The following PTPRD variants were observed in gnomAD, a reference collection of about 807,000 sequenced individuals.
The protein encoded by PTPRD is protein tyrosine phosphatase receptor type D, also known as receptor-type tyrosine-protein phosphatase delta.
PTPRD carries 34 observed loss-of-function variants against 214.5 expected under a neutral mutation model. The ratio of observed to expected loss-of-function variants is 0.16; its 90% CI spans 0.12 to 0.21. The LOEUF is 0.21. PTPRD is among the 10% of genes least tolerant of loss of function. The pLI, the probability that PTPRD is intolerant of heterozygous loss-of-function variation, is 1.00. For synonymous variants in PTPRD, 1,128 were observed against 845.7 expected, an observed-to-expected ratio of 1.33 and a Z score of -5.79; for missense variants, 2,545 against 2,398.7, an observed-to-expected ratio of 1.06 and a Z score of -1.27.
At chr9:8,565,355 A>G (rs765555877) in intron 14 of PTPRD, among the ~76,000 whole-genome samples, 3 of 152,316 alleles carry the variant, frequency 2.0e-5, no homozygotes, top group African/African-American at 4.8e-5. Context: ...TGTGAGAACC[A>G]TATTTGGTTG....
chr9:9,415,846 T>G lies in PTPRD; in HGVS notation c.-236-18364A>C, dbSNP rs573604272. 1.8e-3 allele frequency among the ~76,000 whole-genome samples: 275 copies of G among 152,294 alleles called. 4 individuals are homozygous for G. Among genetic ancestry groups the G allele is most frequent in the African/African-American group, 6.5e-3 (269 of 41,552 alleles). On this transcript the variant is annotated intron_variant, in intron 8 of 45. Coordinates refer to ENST00000381196, the MANE Select transcript of PTPRD (RefSeq NM_002839.4). ...CCTTTAAAAGCAGGAAAGATTGATT[T>G]CATTGTCCCGGTTAGTCGGGTAGGA... is the stretch of plus-strand genomic sequence containing the variant.
intron 2 of PTPRD, among the ~76,000 whole-genome samples, chr9:10,583,848 G>C (rs901543757): frequency 6.6e-6 from 1 of 152,122 alleles, no homozygotes; most frequent in Admixed American, 6.6e-5. Context: ...TTATTTCGAA[G>C]GGCAGCTGTC....
chr9:8,334,131 CAG>C (rs1388985903), intron 43 of PTPRD, among the ~76,000 whole-genome samples: 1 of 151,864 alleles, frequency 6.6e-6, no homozygotes. Context: ...ATCAATGACA[CAG>C]AATATTAGCA....
At position 9,507,512 on chromosome 9, in the gene PTPRD, A is replaced by G. The variant is rs1295976654; in HGVS notation, c.-237+67220T>C. 2.6e-5 allele frequency among the ~76,000 whole-genome samples: 4 copies of G among 151,556 alleles called. No homozygotes were observed. In the East Asian group the frequency reaches 5.8e-4, roughly 22 times the overall value. On this transcript the variant is annotated intron_variant, in intron 8 of 45. Coordinates refer to ENST00000381196, the MANE Select transcript of PTPRD (RefSeq NM_002839.4). ...AGAAGACAAGATAAAATGAATTATA[A>G]AAGAATTAGATTTTCTACCCATGGA...
intron 5 of PTPRD, among the ~76,000 whole-genome samples, chr9:9,882,150 A>G (rs2068936921): frequency 6.6e-6 from 1 of 152,142 alleles, no homozygotes; most frequent in Non-Finnish European, 1.5e-5. Flanking sequence ...GGTATAACAC[A>G]TATATCAAAT....
At chr9:10,457,117 A>G (rs1389330375) in intron 2 of PTPRD, among the ~76,000 whole-genome samples, 1 of 151,946 alleles carries the variant, frequency 6.6e-6, no homozygotes, top group Non-Finnish European at 1.5e-5. Context: ...GCATATAATC[A>G]GAAACTTCCT....
intron 11 of PTPRD, among the ~76,000 whole-genome samples, chr9:8,875,676 A>G (rs1189536501): frequency 1.1e-4 from 16 of 152,206 alleles, no homozygotes; most frequent in Non-Finnish European, 2.9e-5. Context: ...ATTATGCTCA[A>G]TAATAAGCAT....
chr9:10,172,792 A>C (rs777502271), intron 3 of PTPRD, among the ~76,000 whole-genome samples: 36 of 152,338 alleles, frequency 2.4e-4, no homozygotes, highest in Middle Eastern at 3.4e-3. Context: ...GCCACTTAGC[A>C]TTCAGTGTTG....
intron 7 of PTPRD, among the ~76,000 whole-genome samples, chr9:9,700,428 C>G (rs1169539941): frequency 6.6e-6 from 1 of 151,980 alleles, no homozygotes; most frequent in Non-Finnish European, 1.5e-5. Flanking sequence ...TTTTATTACA[C>G]AGTATTTCTA....
In PTPRD at chr9:9,155,425, G is replaced by C. The variant is rs530939089; in HGVS notation, c.-143+27879C>G. On this transcript the variant is annotated intron_variant, in intron 10 of 45. Coordinates refer to ENST00000381196, the MANE Select transcript of PTPRD (RefSeq NM_002839.4). Reference sequence around the variant, plus strand: ...AGGGGTAGGCGAAGGCAAAACAAGAGATCCTGGGATTAATGTTCTCAGAAA... The same window carrying C: ...AGGGGTAGGCGAAGGCAAAACAAGACATCCTGGGATTAATGTTCTCAGAAA... 1.3e-4 allele frequency among the ~76,000 whole-genome samples: 20 copies of C among 152,200 alleles called. 1 individual carries two copies. In the South Asian group the frequency reaches 4.0e-3, roughly 30 times the overall value.
chr9:10,449,338 G>A (rs1566108861), intron 2 of PTPRD, among the ~76,000 whole-genome samples: 1 of 151,952 alleles, frequency 6.6e-6, no homozygotes, highest in Non-Finnish European at 1.5e-5. Flanking sequence ...CGCTCACTCA[G>A]TGCTCAATGT....
At chr9:9,719,727 T>C (rs892895787) in intron 7 of PTPRD, among the ~76,000 whole-genome samples, 1 of 152,200 alleles carries the variant, frequency 6.6e-6, no homozygotes, top group Non-Finnish European at 1.5e-5. Context: ...GGGCTCCCCA[T>C]GTCAGGGCTG....
At chr9:10,450,071 G>C (rs200885345) in intron 2 of PTPRD, among the ~76,000 whole-genome samples, 11,777 of 150,296 alleles carry the variant, frequency 0.078, 825 homozygotes, top group African/African-American at 0.16. Context: ...TCACCACTCC[G>C]TAATCTCAAG....
chr9:9,376,302 G>C (rs2060793041), intron 9 of PTPRD, among the ~76,000 whole-genome samples: 1 of 152,096 alleles, frequency 6.6e-6, no homozygotes, highest in South Asian at 2.1e-4. Flanking sequence ...AAGACTGTTT[G>C]CTCAGGTTTG....
At chr9:9,700,604 T>C (rs1014830372) in intron 7 of PTPRD, among the ~76,000 whole-genome samples, 4 of 152,000 alleles carry the variant, frequency 2.6e-5, no homozygotes, top group Admixed American at 6.6e-5. Flanking sequence ...ATAAAGCAAA[T>C]GAAAGATCAG....
At chr9:10,210,800 TA>T (rs1564549685) in intron 3 of PTPRD, among the ~76,000 whole-genome samples, 1 of 87,068 alleles carries the variant, frequency 1.1e-5, no homozygotes, top group Admixed American at 1.1e-4. Context: ...AAACTTCATA[TA>T]TATATATATA....
At chr9:10,593,288 A>G (rs1923437) in intron 2 of PTPRD, among the ~76,000 whole-genome samples, 50,270 of 151,864 alleles carry the variant, frequency 0.33, 9,305 homozygotes, top group East Asian at 0.67. Context: ...ACAAGCTCCC[A>G]GGAGATACCC....
chr9:8,758,008 A>G (rs148312868), intron 11 of PTPRD, among the ~76,000 whole-genome samples: 345 of 152,306 alleles, frequency 2.3e-3, no homozygotes, highest in African/African-American at 7.0e-3. Context: ...TCTTATTTCA[A>G]GAAGGCTCTG....
intron 14 of PTPRD, among the ~76,000 whole-genome samples, chr9:8,552,574 C>G (rs554226357): frequency 2.0e-5 from 3 of 152,032 alleles, no homozygotes; most frequent in African/African-American, 7.2e-5. Context: ...TCATGATGAA[C>G]GGAGGCCAAG....
Sources: gnomAD v4.1 joint callset for allele counts (sites outside exome capture counted in the v4.1 genomes callset) on GRCh38, gnomAD v4.1.1 for gene constraint, MANE v1.5 for transcripts, NCBI Gene and HGNC (gene_info 2026-07-23, HGNC 2026-07-21) for gene names.